Variants in EPB41L4A observed in about 807,000 individuals in gnomAD.
EPB41L4A encodes the protein erythrocyte membrane protein band 4.1 like 4A, also known as band 4.1-like protein 4A.
A neutral mutation model predicts 108.6 loss-of-function variants in EPB41L4A; 100 were observed. The ratio of observed to expected loss-of-function variants is 0.92; its 90% CI spans 0.78 to 1.09. EPB41L4A has a LOEUF of 1.09. EPB41L4A is among the 50% of genes least tolerant of loss of function. EPB41L4A has a pLI of 0.00. For synonymous variants in EPB41L4A, 319 were observed against 289.0 expected (o/e 1.10, Z -1.05); for missense variants, 1,030 against 842.7 (o/e 1.22, Z -2.75).
chr5:112,272,550 C>T (rs1752337146), intron 4 of EPB41L4A, among the ~76,000 whole-genome samples: 1 of 151,670 alleles, frequency 6.6e-6, no homozygotes, highest in Admixed American at 6.6e-5. Flanking sequence ...GAGGCCAAGG[C>T]AGGTGGATCA....
intron 1 of EPB41L4A, among the ~76,000 whole-genome samples, chr5:112,350,771 C>T (rs988393817): frequency 6.6e-6 from 1 of 152,188 alleles, no homozygotes; most frequent in Non-Finnish European, 1.5e-5. Flanking sequence ...TGACCTCCAG[C>T]TCCATCCATG....
intron 2 of EPB41L4A, among the ~76,000 whole-genome samples, chr5:112,303,401 T>C (rs1236838770): frequency 1.3e-5 from 2 of 152,106 alleles, no homozygotes; most frequent in Non-Finnish European, 2.9e-5. Flanking sequence ...AAGGAAATTA[T>C]CTCAGAGGTA....
intron 11 of EPB41L4A, among the ~76,000 whole-genome samples, chr5:112,239,321 AAC>A (rs1347605389): frequency 1.3e-5 from 2 of 152,220 alleles, no homozygotes; most frequent in African/African-American, 4.8e-5. Context: ...ATGTCTTAAA[AAC>A]ACAATTAGTT....
chr5:112,146,029 T>C (rs1759242861), intron 12 of EPB41L4A: 3 of 455,490 alleles, frequency 6.6e-6, no homozygotes, highest in South Asian at 1.6e-5. Context: ...CTGTGACAAG[T>C]GTCAAACCCA....
intron 5 of EPB41L4A, 84 bp downstream of exon 5, chr5:112,266,149 A>G (rs1457609780): frequency 1.1e-5 from 10 of 928,190 alleles, no homozygotes; most frequent in Non-Finnish European, 1.4e-5. Flanking sequence ...GGATAAGAAG[A>G]GTTTTAGTAT....
chr5:112,265,326 C>A (rs1305969730), intron 5 of EPB41L4A, among the ~76,000 whole-genome samples: 4 of 152,168 alleles, frequency 2.6e-5, no homozygotes, highest in Non-Finnish European at 5.9e-5. Context: ...ATTTCAAGTA[C>A]AAACATTAGA....
chr5:112,154,065 T>C (rs1187616355), intron 12 of EPB41L4A, among the ~76,000 whole-genome samples: 1 of 152,150 alleles, frequency 6.6e-6, no homozygotes, highest in East Asian at 1.9e-4. Context: ...TTAAATATAT[T>C]GGGAAGTACT....
chr5:112,270,073 AATTTAGCAATT>A (rs1302866748), intron 4 of EPB41L4A, among the ~76,000 whole-genome samples: 1 of 152,190 alleles, frequency 6.6e-6, no homozygotes, highest in Non-Finnish European at 1.5e-5. Flanking sequence ...GACCATTAAC[AATTTAGCAATT>A]AGAGGCAAGA....
chr5:112,357,131 C>A (rs529361526), intron 1 of EPB41L4A, among the ~76,000 whole-genome samples: 2 of 152,232 alleles, frequency 1.3e-5, no homozygotes, highest in South Asian at 2.1e-4. Flanking sequence ...TCAGTTGAAT[C>A]CAACAAGATC....
At chr5:112,292,764 G>C (rs562958469) in intron 2 of EPB41L4A, among the ~76,000 whole-genome samples, 89 of 152,010 alleles carry the variant, frequency 5.9e-4, no homozygotes, top group African/African-American at 2.1e-3. Context: ...TTAAATCAAG[G>C]TTAATTTATC....
chr5:112,358,495 T>C (rs972163733), intron 1 of EPB41L4A, among the ~76,000 whole-genome samples: 3 of 152,184 alleles, frequency 2.0e-5, no homozygotes, highest in Non-Finnish European at 2.9e-5. Context: ...TAGAATCCCC[T>C]TGCAATCACA....
At chr5:112,214,770 G>A (rs938073503) in intron 12 of EPB41L4A, among the ~76,000 whole-genome samples, 6 of 151,048 alleles carry the variant, frequency 4.0e-5, no homozygotes, top group Non-Finnish European at 8.9e-5. Flanking sequence ...CATCTCAAAA[G>A]GCAAAAACAA....
At chr5:112,391,721 A>T (rs1760954194) in intron 1 of EPB41L4A, among the ~76,000 whole-genome samples, 1 of 152,168 alleles carries the variant, frequency 6.6e-6, no homozygotes, top group African/African-American at 2.4e-5. Flanking sequence ...AATTCAGGAA[A>T]TACAGAGAAC....
intron 1 of EPB41L4A, among the ~76,000 whole-genome samples, chr5:112,409,702 A>G (rs1033946351): frequency 2.6e-5 from 4 of 152,154 alleles, no homozygotes; most frequent in Non-Finnish European, 5.9e-5. Flanking sequence ...TGGGAATCCC[A>G]TAAAAAAGAC....
intron 2 of EPB41L4A, among the ~76,000 whole-genome samples, chr5:112,286,866 G>GA (rs35486822): frequency 1.5e-3 from 208 of 142,672 alleles, no homozygotes; most frequent in Non-Finnish European, 1.6e-3. Flanking sequence ...CTCTGGATGA[G>GA]AAAAAAAAAA....
chr5:112,169,563 T>A (rs959031012), intron 20 of EPB41L4A, among the ~76,000 whole-genome samples: 1 of 152,058 alleles, frequency 6.6e-6, no homozygotes, highest in African/African-American at 2.4e-5. Flanking sequence ...AAAAAAAGTA[T>A]GTGAGGTGAT....
rs1178153879 is a variant in EPB41L4A at position 112,259,922 on chromosome 5, T to C, written c.700A>G (p.Lys234Glu). ...GLTPVGVVVY[K>E]NKKQVGKYFW... ...TACTTCCCCACTTGCTTTTTATTCT[T>C]GTACACAACAACACCAACCGGAGTT... The change falls in exon 8 of 23, where the codon AAG (lysine) becomes GAG (glutamate). Residue 234 changes from lysine to glutamate, a missense_variant. Lys to Glu is a moderately conservative substitution (Grantham distance 56). Transcript: ENST00000261486. 1 of 1,613,998 alleles carries C rather than the reference T, an allele frequency of 6.2e-7. No individual in the cohort carries two copies. The highest frequency in any genetic ancestry group is 8.5e-7 in the Non-Finnish European group (1 of 1,179,958).
chr5:112,322,211 G>A (rs1755827391), intron 1 of EPB41L4A, among the ~76,000 whole-genome samples: 2 of 152,280 alleles, frequency 1.3e-5, no homozygotes. Context: ...ATTTAACCAT[G>A]ATAGCAATTC....
intron 1 of EPB41L4A, among the ~76,000 whole-genome samples, chr5:112,339,514 A>ATC (rs373701616): frequency 0.51 from 53,721 of 104,848 alleles, 11,938 homozygotes; most frequent in South Asian, 0.7. Context: ...ATATATAGAT[A>ATC]TATAGATATA....
Sources: gnomAD v4.1 joint callset for allele counts (sites outside exome capture counted in the v4.1 genomes callset) on GRCh38, gnomAD v4.1.1 for gene constraint, MANE v1.5 for transcripts, NCBI Gene and HGNC (gene_info 2026-07-23, HGNC 2026-07-21) for gene names.